RSPH14: variants seen among roughly 807,000 people sequenced by gnomAD.
The protein encoded by RSPH14 is radial spoke head 14 homolog.
In RSPH14, 20 loss-of-function variants were observed where a neutral mutation model predicts 26.7. The observed-to-expected ratio is 0.75, with a 90% CI of 0.53 to 1.09. The LOEUF is 1.09. Ranked by LOEUF, RSPH14 falls within the 50% of genes least tolerant of loss-of-function variation. The pLI, the probability that RSPH14 is intolerant of heterozygous loss-of-function variation, is 0.00. For synonymous variants in RSPH14, 177 were observed against 189.3 expected (o/e 0.93, Z 0.53); for missense variants, 449 against 457.2 (o/e 0.98, Z 0.16).
At chr22:23,062,719 G>A (rs1306078051) in intron 5 of RSPH14, among the ~76,000 whole-genome samples, 1 of 152,244 alleles carries the variant, frequency 6.6e-6, no homozygotes, top group African/African-American at 2.4e-5. Context: ...TCAGGGCAGT[G>A]GGCCTCAACC....
At chr22:23,092,793 C>A (rs747420833) in intron 4 of RSPH14, among the ~76,000 whole-genome samples, 58 of 152,230 alleles carry the variant, frequency 3.8e-4, no homozygotes, top group Non-Finnish European at 8.2e-4. Flanking sequence ...TTGGACAGAG[C>A]AGCTTCTCTG....
intron 4 of RSPH14, among the ~76,000 whole-genome samples, chr22:23,081,177 A>G (rs1333550474): frequency 6.6e-6 from 1 of 152,206 alleles, no homozygotes; most frequent in Non-Finnish European, 1.5e-5. Context: ...GTTTGGGGAC[A>G]AGGAGTATAA....
chr22:23,114,225 C>A (rs925519580), intron 4 of RSPH14, among the ~76,000 whole-genome samples: 1 of 152,196 alleles, frequency 6.6e-6, no homozygotes, highest in South Asian at 2.1e-4. Context: ...TCTACAACCC[C>A]GCCCCACAGC....
At chr22:23,110,327 A>C (rs547685584) in intron 4 of RSPH14, among the ~76,000 whole-genome samples, 3 of 152,276 alleles carry the variant, frequency 2.0e-5, no homozygotes, top group African/African-American at 7.2e-5. Context: ...GGAGGGCATC[A>C]CGGCAGCCCC....
At chr22:23,170,273 T>C in the RSPH14 span, among the ~76,000 whole-genome samples, 1 of 152,114 alleles carries the variant, frequency 6.6e-6, no homozygotes. Flanking sequence ...ATAGTCTAGG[T>C]GGTTTTTAGA....
At chr22:23,178,271 C>T in the RSPH14 span, among the ~76,000 whole-genome samples, 1 of 152,194 alleles carries the variant, frequency 6.6e-6, no homozygotes, top group Non-Finnish European at 1.5e-5. Flanking sequence ...AAAAAACTAG[C>T]TGGGCGTGAT....
At chr22:23,083,299 A>G (rs1360385334) in intron 4 of RSPH14, among the ~76,000 whole-genome samples, 2 of 151,962 alleles carry the variant, frequency 1.3e-5, no homozygotes, top group Non-Finnish European at 2.9e-5. Context: ...AATCCAGTAG[A>G]GCTGGCCCAC....
intron 4 of RSPH14, among the ~76,000 whole-genome samples, chr22:23,122,912 G>A (rs1019901079): frequency 3.3e-5 from 5 of 152,230 alleles, no homozygotes; most frequent in South Asian, 2.1e-4. Context: ...GGCTATTTCC[G>A]TGGGAGGTGG....
chr22:23,165,987 A>G, the RSPH14 span, among the ~76,000 whole-genome samples: 17 of 152,104 alleles, frequency 1.1e-4, no homozygotes, highest in East Asian at 3.1e-3. Context: ...TCTACTAAAA[A>G]TACAAAAAAT....
the RSPH14 span, chr22:23,163,163 G>A: frequency 1.2e-5 from 2 of 167,616 alleles, no homozygotes; most frequent in Non-Finnish European, 2.6e-5. Context: ...TGCCCACCTC[G>A]GCCTCCCGAA....
intron 4 of RSPH14, chr22:23,123,013 G>A: frequency 1.0e-6 from 1 of 975,426 alleles, no homozygotes; most frequent in Non-Finnish European, 1.6e-6. Flanking sequence ...GGCTTCCTCT[G>A]GCAGGGCTGC....
Position 23,059,430 on chromosome 22 carries a change from C to T in RSPH14, c.*32G>A. ...GGACCCGAGATAAAGAGACTTAGCACATTTATTCACTCACAGAGGTGAATG... is the reference window on the plus strand; with the variant it reads ...GGACCCGAGATAAAGAGACTTAGCATATTTATTCACTCACAGAGGTGAATG... On this transcript the variant is annotated 3_prime_UTR_variant, in exon 7 of 7. Transcript: ENST00000216036. 2.6e-6 allele frequency: 4 copies of T among 1,556,960 alleles called. No individual in the cohort carries two copies. The highest frequency in any genetic ancestry group is 1.2e-5 in the South Asian group (1 of 84,932).
At chr22:23,121,758 G>A (rs997068118) in intron 4 of RSPH14, among the ~76,000 whole-genome samples, 11 of 145,830 alleles carry the variant, frequency 7.5e-5, no homozygotes, top group African/African-American at 2.6e-4. Flanking sequence ...GTCTCGCTGC[G>A]TCGCCCAGAC....
intron 4 of RSPH14, chr22:23,096,133 G>A: frequency 1.2e-6 from 2 of 1,612,498 alleles, no homozygotes; most frequent in Middle Eastern, 1.6e-4. Context: ...GCTCCAGCGA[G>A]TACCACCTGG....
At chr22:23,123,404 C>T (rs1210745853) in intron 4 of RSPH14, 2 of 1,613,534 alleles carry the variant, frequency 1.2e-6, no homozygotes, top group Non-Finnish European at 1.7e-6. Flanking sequence ...TCATACAGAA[C>T]AATCTCAAGT....
intron 4 of RSPH14, among the ~76,000 whole-genome samples, chr22:23,102,567 G>T (rs149710847): frequency 6.6e-6 from 1 of 152,210 alleles, no homozygotes; most frequent in Non-Finnish European, 1.5e-5. Flanking sequence ...GGCAAGAGGC[G>T]GCAGGGCCCT....
At chr22:23,096,632 C>T (rs767390861) in intron 4 of RSPH14, among the ~76,000 whole-genome samples, 1 of 152,156 alleles carries the variant, frequency 6.6e-6, no homozygotes, top group Non-Finnish European at 1.5e-5. Flanking sequence ...CTGAAGTACT[C>T]AGGGTGTGGA....
the RSPH14 span, chr22:23,162,626 C>T: frequency 2.2e-6 from 1 of 456,342 alleles, no homozygotes; most frequent in Non-Finnish European, 4.4e-6. Flanking sequence ...CCAGTATGCT[C>T]ATCCACAGGG....
chr22:23,153,038 G>C, the RSPH14 span: 1 of 1,613,598 alleles, frequency 6.2e-7, no homozygotes, highest in South Asian at 1.1e-5. Flanking sequence ...CACAGGTTTT[G>C]CAAGAATGTT....
Sources: allele counts gnomAD v4.1 joint callset (sites outside exome capture counted in the v4.1 genomes callset), GRCh38; gene constraint gnomAD v4.1.1; transcripts MANE v1.5; gene names NCBI Gene and HGNC (gene_info 2026-07-23, HGNC 2026-07-21).